The following ANGPTL1 variants were observed in gnomAD, a reference collection of about 807,000 sequenced individuals.
ANGPTL1 encodes the protein angiopoietin-related protein 1.
In ANGPTL1, 36 loss-of-function variants were observed where a neutral mutation model predicts 46.7. The observed-to-expected ratio is 0.77, with a 90% CI of 0.59 to 1.02. The LOEUF (loss-of-function observed/expected upper bound fraction) is 1.02. Ranked by LOEUF, ANGPTL1 falls within the 50% of genes least tolerant of loss-of-function variation. The pLI is 0.00. For missense variants in ANGPTL1, 571 were observed against 594.7 expected, an observed-to-expected ratio of 0.96 and a Z score of 0.41; for synonymous variants, 221 against 204.3, an observed-to-expected ratio of 1.08 and a Z score of -0.69.
In ANGPTL1 at chr1:178,852,778, C is replaced by T. The variant is rs570797031; in HGVS notation, c.1193G>A (p.Arg398His). 2.4e-5 allele frequency: 38 copies of T among 1,613,804 alleles called. No individual in the cohort carries two copies. The highest frequency in any genetic ancestry group is 1.8e-4 in the East Asian group (8 of 44,868). Reference protein sequence around the residue: ...LEPESEFYRLRLGTYQGNAGD... With the variant: ...LEPESEFYRLHLGTYQGNAGD... The stretch of plus-strand genomic sequence containing the variant: ...TGCATTTCCCTGGTAAGTTCCCAGG[C>T]GCAGTCTATAGAATTCACTTTCAGG... The change falls in exon 5 of 6, where the codon CGC (arginine) becomes CAC (histidine). Residue 398 changes from arginine (R) to histidine (H), a missense_variant. Transcript: ENST00000234816.
chr1:178,867,390 G>A (rs1658483515), intron 2 of ANGPTL1, among the ~76,000 whole-genome samples: 1 of 152,056 alleles, frequency 6.6e-6, no homozygotes, highest in Non-Finnish European at 1.5e-5. Context: ...CAGAGTTCAT[G>A]TTTTCAATCC....
chr1:178,859,401 C>CTTTTTT (rs543947031), intron 3 of ANGPTL1, among the ~76,000 whole-genome samples: 3 of 122,900 alleles, frequency 2.4e-5, no homozygotes, highest in Non-Finnish European at 5.1e-5. Context: ...CCAAGTTTAA[C>CTTTTTT]TTTTTTTTTT....
chr1:178,854,057 T>C (rs994381490), intron 3 of ANGPTL1, among the ~76,000 whole-genome samples: 11 of 152,210 alleles, frequency 7.2e-5, no homozygotes, highest in African/African-American at 1.9e-4. Flanking sequence ...TTGGATTCTG[T>C]CTTAACATTT....
Position 178,864,954 on chromosome 1 carries a change from C to G in ANGPTL1, c.823G>C (p.Gly275Arg), listed in dbSNP as rs757294635. 6.9e-7 allele frequency: 1 copy of G among 1,444,734 alleles called. No homozygotes were observed. Among genetic ancestry groups the G allele is most frequent in the Non-Finnish European group, 9.1e-7 (1 of 1,098,216 alleles). 89.5% of individuals were successfully genotyped at this position (1,444,734 alleles called of 1,614,324 possible). ...CTTTTTACAGTAAGAGGTAACTCACCTTCATTGATGAAAGTTACCGGTGGT... is the reference window on the plus strand; with the variant it reads ...CTTTTTACAGTAAGAGGTAACTCACGTTCATTGATGAAAGTTACCGGTGGT... ...KIPPVTFINE[G>R]PFKDCQQAKE... The change falls in exon 3 of 6, where the codon GGA becomes CGA. Residue 275 changes from glycine (G) to arginine (R), a missense_variant and splice_region_variant. Coordinates refer to ENST00000234816, the MANE Select transcript of ANGPTL1 (RefSeq NM_004673.4).
chr1:178,865,667 G>A lies in ANGPTL1; in HGVS notation c.110C>T (p.Pro37Leu). Residue 37 changes from proline (P) to leucine (L), a missense_variant, in exon 3 of 6, where the codon CCT becomes CTT. Coordinates refer to ENST00000234816, the MANE Select transcript of ANGPTL1 (RefSeq NM_004673.4). ...TTCCTCTTTACCATCTGTGGCACGAGGGTATCTTCTCTGGTTTATTTTTTT... is the reference window on the plus strand; with the variant it reads ...TTCCTCTTTACCATCTGTGGCACGAAGGTATCTTCTCTGGTTTATTTTTTT... The part of the protein sequence containing the change: ...KIKKINQRRY[P>L]RATDGKEEAK... The A allele has an allele frequency of 6.2e-7, 1 of 1,613,988 alleles. No individual in the cohort carries two copies. Among genetic ancestry groups the A allele is most frequent in the Non-Finnish European group, 8.5e-7 (1 of 1,179,936 alleles).
Position 178,863,397 on chromosome 1 carries a change from T to C in ANGPTL1, c.823+1557A>G, listed in dbSNP as rs536398440. ...CAGCAAGGAGACAGACATAAATAAA[T>C]AACTTCAGTGTAATATCATATAGAA... On this transcript the variant is annotated intron_variant, in intron 3 of 5. Coordinates refer to ENST00000234816, the MANE Select transcript of ANGPTL1 (RefSeq NM_004673.4). Among the ~76,000 whole-genome samples, 235 of 152,212 alleles carry C rather than the reference T, an allele frequency of 1.5e-3. 1 individual carries two copies. Among genetic ancestry groups the C allele is most frequent in the South Asian group, 6.8e-3 (33 of 4,822 alleles).
intron 3 of ANGPTL1, among the ~76,000 whole-genome samples, chr1:178,859,401 CTTTTTT>C (rs543947031): frequency 8.1e-6 from 1 of 122,900 alleles, no homozygotes; most frequent in Non-Finnish European, 1.7e-5. Flanking sequence ...CCAAGTTTAA[CTTTTTT>C]TTTTTTTTTT....
At chr1:178,851,975 A>G (rs1657202430) in intron 5 of ANGPTL1, among the ~76,000 whole-genome samples, 1 of 152,158 alleles carries the variant, frequency 6.6e-6, no homozygotes, top group South Asian at 2.1e-4. Context: ...ATTTGAAATT[A>G]TGTGGATGGT....
Position 178,849,984 on chromosome 1 carries a change from T to TC in ANGPTL1, c.*1144dup, listed in dbSNP as rs1465274272. On this transcript the variant is annotated 3_prime_UTR_variant, in exon 6 of 6. Transcript: ENST00000234816. ...ATATGTATTCCTGAAAGGAAATTGT[T>TC]CCAGAAAGTCACTAGTAAAGTTGTT... 1 of 152,646 alleles carries TC rather than the reference T, an allele frequency of 6.6e-6. No homozygotes were observed. Among genetic ancestry groups the TC allele is most frequent in the Non-Finnish European group, 1.5e-5 (1 of 68,040 alleles). 9.5% of individuals were successfully genotyped at this position (152,646 alleles called of 1,614,324 possible).
intron 3 of ANGPTL1, among the ~76,000 whole-genome samples, chr1:178,863,195 CACAAGAGA>C (rs1658151996): frequency 3.3e-5 from 5 of 152,082 alleles, no homozygotes; most frequent in Admixed American, 2.6e-4. Flanking sequence ...GGGACATGCA[CACAAGAGA>C]CCAAAAAGGG....
At chr1:178,870,357 T>C (rs1365408129) in intron 1 of ANGPTL1, among the ~76,000 whole-genome samples, 2 of 152,194 alleles carry the variant, frequency 1.3e-5, no homozygotes, top group Admixed American at 6.6e-5. Context: ...AAACTAATTG[T>C]GTTCACGACT....
rs141156731 is a variant in ANGPTL1 at position 178,865,718 on chromosome 1, T to C, written c.59A>G (p.His20Arg). 2 of 1,613,608 alleles carry C rather than the reference T, an allele frequency of 1.2e-6. No individual in the cohort carries two copies. Among genetic ancestry groups the C allele is most frequent in the Admixed American group, 1.7e-5 (1 of 59,994 alleles). The change falls in exon 3 of 6, where the codon CAT becomes CGT. Residue 20 changes from histidine (H) to arginine (R), a missense_variant. His to Arg is a conservative substitution (Grantham distance 29, BLOSUM62 0). Transcript: ENST00000234816. The stretch of plus-strand genomic sequence containing the variant: ...AATTTTGAATTGTCCACCTCTGCAA[T>C]GTCCAGTGTCCACTAGTAGGAAGAA... Reference protein sequence around the residue: ...VLFFLLVDTGHCRGGQFKIKK... With the variant: ...VLFFLLVDTGRCRGGQFKIKK...
chr1:178,866,504 A>G (rs958487407), intron 2 of ANGPTL1, among the ~76,000 whole-genome samples: 2 of 152,168 alleles, frequency 1.3e-5, no homozygotes, highest in Non-Finnish European at 2.9e-5. Context: ...AACTGTAATT[A>G]TATGTACTCT....
chr1:178,856,225 ATATATATATGGTTT>A (rs1391700605), intron 3 of ANGPTL1, among the ~76,000 whole-genome samples: 43 of 125,992 alleles, frequency 3.4e-4, no homozygotes, highest in African/African-American at 1.4e-3. Flanking sequence ...ATATATATAT[ATATATATATGGTTT>A]TGGGTTTTGT....
intron 3 of ANGPTL1, among the ~76,000 whole-genome samples, chr1:178,863,054 G>A (rs947789938): frequency 4.6e-5 from 7 of 152,178 alleles, no homozygotes; most frequent in Non-Finnish European, 1.0e-4. Context: ...TCACAGGTAA[G>A]GAAACTGAGG....
chr1:178,852,089 G>A (rs1228279927), intron 5 of ANGPTL1, among the ~76,000 whole-genome samples: 1 of 152,112 alleles, frequency 6.6e-6, no homozygotes, highest in African/African-American at 2.4e-5. Context: ...CCCCCTCAAA[G>A]AAATGCTCTT....
chr1:178,852,130 C>T (rs1657212320), intron 5 of ANGPTL1, among the ~76,000 whole-genome samples: 1 of 152,158 alleles, frequency 6.6e-6, no homozygotes, highest in African/African-American at 2.4e-5. Context: ...TTGCATCCTT[C>T]ATTTCTTGCG....
chr1:178,868,664 A>G (rs1658564227), intron 2 of ANGPTL1, among the ~76,000 whole-genome samples: 1 of 151,998 alleles, frequency 6.6e-6, no homozygotes, highest in Admixed American at 6.6e-5. Flanking sequence ...TGCTAATCTA[A>G]ATTAAAACAA....
intron 3 of ANGPTL1, among the ~76,000 whole-genome samples, chr1:178,859,561 G>A (rs998162535): frequency 9.3e-5 from 14 of 150,740 alleles, no homozygotes; most frequent in African/African-American, 3.4e-4. Context: ...CCGCCACTAC[G>A]AAGTTTTAAC....
Sources: gnomAD v4.1 joint callset for allele counts (sites outside exome capture counted in the v4.1 genomes callset) on GRCh38, gnomAD v4.1.1 for gene constraint, MANE v1.5 for transcripts, NCBI Gene and HGNC (gene_info 2026-07-23, HGNC 2026-07-21) for gene names.